TRIM61: variants seen among roughly 807,000 people sequenced by gnomAD.
TRIM61 encodes tripartite motif containing 61.
A neutral mutation model predicts 14.2 loss-of-function variants in TRIM61; 1 was observed. The observed-to-expected ratio is 0.07, with a 90% CI of 0.03 to 0.33. TRIM61 has a LOEUF of 0.33. Ranked by LOEUF, TRIM61 falls within the 10% of genes least tolerant of loss-of-function variation. The pLI is 0.99. For missense variants in TRIM61, 19 were observed against 202.2 expected, an observed-to-expected ratio of 0.09 and a Z score of 5.49; for synonymous variants, 8 against 71.6, an observed-to-expected ratio of 0.11 and a Z score of 4.49.
Position 164,969,988 on chromosome 4 carries a change from C to T in TRIM61, c.15G>A (p.Thr5=), listed in dbSNP as rs1248290187. The T allele has an allele frequency of 2.0e-5, 32 of 1,613,666 alleles. No individual in the cohort carries two copies. The Middle Eastern group carries it at 5.0e-4, about 25-fold the overall frequency. Residue 5 remains threonine (T), a synonymous_variant, in exon 3 of 5, where the codon ACG becomes ACA. Coordinates refer to ENST00000329314, the MANE Select transcript of TRIM61 (RefSeq NM_001012414.3). ...CCTCTGCTCGGAGGTCAGCCAGGGCCGTAACAAATTCCATTGAGACTTGAA... is the reference window on the plus strand; with the variant it reads ...CCTCTGCTCGGAGGTCAGCCAGGGCTGTAACAAATTCCATTGAGACTTGAA...
intron 3 of TRIM61, chr4:164,968,585 A>T: frequency 4.1e-6 from 4 of 985,710 alleles, no homozygotes; most frequent in Non-Finnish European, 4.8e-6. Context: ...TCTTCTAATA[A>T]TTCATTCAGA....
At chr4:164,961,038 A>G (rs1286345638) in intron 3 of TRIM61, among the ~76,000 whole-genome samples, 1 of 151,844 alleles carries the variant, frequency 6.6e-6, no homozygotes, top group Admixed American at 6.6e-5. Flanking sequence ...ACAAAAAACA[A>G]AAATCAAAAT....
intron 3 of TRIM61, chr4:164,957,053 T>G: frequency 2.0e-6 from 3 of 1,512,304 alleles, no homozygotes; most frequent in Non-Finnish European, 2.7e-6. Flanking sequence ...GCGGGGCAGC[T>G]GTCCTCTTCT....
Position 164,969,854 on chromosome 4 carries a change from C to G in TRIM61, c.149G>C (p.Ser50Thr), listed in dbSNP as rs1560886855. Residue 50 changes from serine (S) to threonine (T), a missense_variant, in exon 3 of 5, where the codon AGT (serine) becomes ACT (threonine). Coordinates refer to ENST00000329314, the MANE Select transcript of TRIM61 (RefSeq NM_001012414.3). ...AAAGTGGCAAAAGGGGCAGGGGAAA[C>G]TATCATGTAGATCCTTCCAGGACAT... 1 of 1,614,032 alleles carries G rather than the reference C, an allele frequency of 6.2e-7. No individual in the cohort carries two copies.
intron 3 of TRIM61, 167 bp downstream of exon 3, chr4:164,968,113 AT>A: frequency 1.0e-6 from 1 of 957,342 alleles, no homozygotes; most frequent in Non-Finnish European, 1.2e-6. Flanking sequence ...GATCCTGGCC[AT>A]TGCACTCCAG....
intron 3 of TRIM61, among the ~76,000 whole-genome samples, chr4:164,962,995 T>C (rs1395987830): frequency 6.6e-6 from 1 of 152,152 alleles, no homozygotes; most frequent in African/African-American, 2.4e-5. Flanking sequence ...ATATATACTA[T>C]AAACCCTAGG....
At chr4:164,957,298 A>G (rs1732028181) in intron 3 of TRIM61, 2 of 1,614,060 alleles carry the variant, frequency 1.2e-6, no homozygotes, top group African/African-American at 2.7e-5. Context: ...TCAGCCGCTC[A>G]TGGTGCCCAG....
chr4:164,957,526 G>A (rs1732039899), intron 3 of TRIM61: 2 of 1,568,408 alleles, frequency 1.3e-6, no homozygotes, highest in Admixed American at 1.9e-5. Flanking sequence ...GAAGCTCACA[G>A]GGGACATCTG....
intron 3 of TRIM61, among the ~76,000 whole-genome samples, chr4:164,962,048 T>TC (rs1732146905): frequency 6.6e-6 from 1 of 152,056 alleles, no homozygotes; most frequent in African/African-American, 2.4e-5. Context: ...TAGAAAAAGT[T>TC]CCGTAAAAAT....
At chr4:164,962,053 A>T (rs904778612) in intron 3 of TRIM61, among the ~76,000 whole-genome samples, 17 of 152,166 alleles carry the variant, frequency 1.1e-4, no homozygotes, top group Non-Finnish European at 2.1e-4. Context: ...AAAGTTCCGT[A>T]AAAATAGTTT....
intron 3 of TRIM61, among the ~76,000 whole-genome samples, chr4:164,955,568 CAAAAAAAAAAA>C (rs10716862): frequency 1.3e-5 from 1 of 77,236 alleles, no homozygotes; most frequent in Admixed American, 1.5e-4. Context: ...GATTCAGTCT[CAAAAAAAAAAA>C]AAAAAAAAAA....
At chr4:164,957,005 C>A (rs763956945) in intron 3 of TRIM61, 1 of 1,473,284 alleles carries the variant, frequency 6.8e-7, no homozygotes, top group Non-Finnish European at 9.0e-7. Context: ...ACCGGGGCAG[C>A]GCCATGTACC....
intron 3 of TRIM61, among the ~76,000 whole-genome samples, chr4:164,965,840 T>A (rs1163772848): frequency 6.9e-6 from 1 of 145,370 alleles, no homozygotes; most frequent in African/African-American, 2.5e-5. Flanking sequence ...TTCCAGGCCC[T>A]GATAAACTTC....
chr4:164,958,770 G>A (rs1732069379), intron 3 of TRIM61: 1 of 166,982 alleles, frequency 6.0e-6, no homozygotes, highest in Admixed American at 6.5e-5. Flanking sequence ...CAACAAAACA[G>A]GCTTATATAA....
At chr4:164,968,535 T>G in intron 3 of TRIM61, 3 of 985,810 alleles carry the variant, frequency 3.0e-6, no homozygotes, top group Non-Finnish European at 3.6e-6. Context: ...AAAACTAGAT[T>G]CACTGGCTCA....
chr4:164,962,994 A>C (rs1295534531), intron 3 of TRIM61, among the ~76,000 whole-genome samples: 1 of 152,212 alleles, frequency 6.6e-6, no homozygotes, highest in Non-Finnish European at 1.5e-5. Context: ...AATATATACT[A>C]TAAACCCTAG....
chr4:164,972,633 C>T (rs971094205), intron 2 of TRIM61, among the ~76,000 whole-genome samples: 3 of 152,120 alleles, frequency 2.0e-5, no homozygotes, highest in South Asian at 2.1e-4. Flanking sequence ...GGCCTACAGG[C>T]GTGCGCCACC....
At chr4:164,967,338 G>A (rs575323947) in intron 3 of TRIM61, among the ~76,000 whole-genome samples, 17 of 152,222 alleles carry the variant, frequency 1.1e-4, no homozygotes, top group African/African-American at 2.4e-4. Flanking sequence ...TCAAAAGCTC[G>A]TCTTTTTTGT....
At chr4:164,957,368 A>T in intron 3 of TRIM61, 2 of 1,614,040 alleles carry the variant, frequency 1.2e-6, no homozygotes, top group Non-Finnish European at 1.7e-6. Flanking sequence ...AGGCCACTCC[A>T]AGTCAGAAGG....
Sources: gnomAD v4.1 joint callset for allele counts (sites outside exome capture counted in the v4.1 genomes callset) on GRCh38, gnomAD v4.1.1 for gene constraint, MANE v1.5 for transcripts, NCBI Gene and HGNC (gene_info 2026-07-23, HGNC 2026-07-21) for gene names.